The following SGCD variants were observed in gnomAD, a reference collection of about 807,000 sequenced individuals.
SGCD encodes the protein sarcoglycan delta, also known as delta-sarcoglycan.
SGCD carries 18 observed loss-of-function variants against 36.6 expected under a neutral mutation model. The observed-to-expected ratio is 0.49, with a 90% confidence interval of 0.34 to 0.73. SGCD has a LOEUF of 0.73. SGCD is among the 30% of genes least tolerant of loss of function. The pLI, the probability that SGCD is intolerant of heterozygous loss-of-function variation, is 0.01. For synonymous variants in SGCD, 133 were observed against 130.6 expected, an observed-to-expected ratio of 1.02 and a Z score of -0.12; for missense variants, 387 against 346.7, an observed-to-expected ratio of 1.12 and a Z score of -0.92.
At chr5:156,738,730 G>C (rs1266070945) in intron 7 of SGCD, 1 of 152,210 alleles carries the variant, frequency 6.6e-6, no homozygotes, top group Non-Finnish European at 1.5e-5. Flanking sequence ...GTTCTAACCA[G>C]TTTGAGGGGG....
chr5:156,261,217 A>T (rs555646459), intron 3 of SGCD, among the ~76,000 whole-genome samples: 2 of 152,296 alleles, frequency 1.3e-5, no homozygotes, highest in East Asian at 3.9e-4. Flanking sequence ...TAGTATTAAG[A>T]TTGTGGATGT....
At chr5:155,774,523 G>A in the SGCD span, among the ~76,000 whole-genome samples, 1 of 152,152 alleles carries the variant, frequency 6.6e-6, no homozygotes, top group Non-Finnish European at 1.5e-5. Context: ...AGTGTTGGCA[G>A]GGCTGGTTCC....
chr5:156,538,005 G>A (rs190359772), intron 4 of SGCD, among the ~76,000 whole-genome samples: 10 of 151,872 alleles, frequency 6.6e-5, no homozygotes, highest in East Asian at 5.8e-4. Context: ...CTATGGGCCC[G>A]TTCTGGTGGT....
the SGCD span, among the ~76,000 whole-genome samples, chr5:155,826,213 T>C: frequency 6.6e-6 from 1 of 152,198 alleles, no homozygotes. Flanking sequence ...GTCTGTCACA[T>C]GTGTTTCTCA....
At chr5:156,325,497 G>A (rs970229782), upstream of SGCD, among the ~76,000 whole-genome samples, 2 of 152,134 alleles carry the variant, frequency 1.3e-5, no homozygotes, top group East Asian at 1.9e-4. Context: ...GAAACAGATC[G>A]AGAGAGGTTA....
At chr5:156,487,305 A>C (rs1223225699) in intron 3 of SGCD, among the ~76,000 whole-genome samples, 1 of 152,224 alleles carries the variant, frequency 6.6e-6, no homozygotes, top group Non-Finnish European at 1.5e-5. Flanking sequence ...CCAGAATCAA[A>C]GCCAAAGCAT....
rs189875159 is a variant in SGCD at position 155,999,974 on chromosome 5, A to G, written c.-281-117904A>G. Among the ~76,000 whole-genome samples the G allele has an allele frequency of 7.9e-4, 121 of 152,330 alleles. 2 individuals are homozygous for G. The East Asian group carries it at 0.012, about 15-fold the overall frequency. On this transcript the variant is annotated intron_variant, in intron 1 of 9. Coordinates refer to the SGCD transcript ENST00000517913. ...GTTAGCAACTGTTAGAGTAGGTTCT[A>G]TCTTCCTATCTTCATAATGATTTGA...
At chr5:156,312,807 G>C (rs1437409517) in intron 3 of SGCD, among the ~76,000 whole-genome samples, 1 of 152,108 alleles carries the variant, frequency 6.6e-6, no homozygotes, top group African/African-American at 2.4e-5. Context: ...TAGCTCTTAA[G>C]AAAATTAGTT....
chr5:156,249,985 T>C (rs1329082185), intron 3 of SGCD, among the ~76,000 whole-genome samples: 1 of 152,200 alleles, frequency 6.6e-6, no homozygotes. Flanking sequence ...ATTTTAACTA[T>C]ATGTGTCCAT....
chr5:156,448,092 A>T (rs1282099664), intron 3 of SGCD, among the ~76,000 whole-genome samples: 2 of 152,102 alleles, frequency 1.3e-5, no homozygotes, highest in African/African-American at 2.4e-5. Flanking sequence ...GCCTTTGAAA[A>T]ATACCATTGT....
At chr5:155,743,994 T>C in the SGCD span, among the ~76,000 whole-genome samples, 2 of 152,120 alleles carry the variant, frequency 1.3e-5, no homozygotes, top group Non-Finnish European at 2.9e-5. Flanking sequence ...TAAATCTTCT[T>C]TGGAGGAAAG....
chr5:155,754,153 C>T, the SGCD span, among the ~76,000 whole-genome samples: 1 of 152,168 alleles, frequency 6.6e-6, no homozygotes, highest in Non-Finnish European at 1.5e-5. Context: ...TGAATTTGCT[C>T]TTGACCTGGC....
At chr5:155,981,997 C>T (rs1370817805) in intron 1 of SGCD, among the ~76,000 whole-genome samples, 2 of 152,192 alleles carry the variant, frequency 1.3e-5, no homozygotes, top group Non-Finnish European at 2.9e-5. Context: ...GATCCTCCCT[C>T]CTCCTGGAGC....
At chr5:155,806,286 C>CT in the SGCD span, among the ~76,000 whole-genome samples, 1 of 152,130 alleles carries the variant, frequency 6.6e-6, no homozygotes, top group Admixed American at 6.5e-5. Flanking sequence ...TCCCAAGTAG[C>CT]TGGGATTACA....
At chr5:155,840,497 G>A in the SGCD span, among the ~76,000 whole-genome samples, 3 of 149,762 alleles carry the variant, frequency 2.0e-5, no homozygotes, top group South Asian at 6.4e-4. Context: ...CACCGTGTTA[G>A]CCAGGATGGT....
intron 3 of SGCD, among the ~76,000 whole-genome samples, chr5:156,472,756 G>C (rs1294414330): frequency 6.6e-6 from 1 of 152,098 alleles, no homozygotes; most frequent in African/African-American, 2.4e-5. Flanking sequence ...ATGCTATGCT[G>C]AGTGAAAGAA....
At chr5:155,996,499 C>G (rs10059037) in intron 1 of SGCD, among the ~76,000 whole-genome samples, 1 of 152,046 alleles carries the variant, frequency 6.6e-6, no homozygotes, top group Non-Finnish European at 1.5e-5. Context: ...ACCAAAGGGC[C>G]GGGCGCGGTG....
chr5:156,519,919 G>A (rs1252080250), intron 4 of SGCD, among the ~76,000 whole-genome samples: 1 of 152,104 alleles, frequency 6.6e-6, no homozygotes. Flanking sequence ...ATATTGAATG[G>A]GAAAAGCTGG....
At chr5:156,482,818 T>G (rs1007331517) in intron 3 of SGCD, among the ~76,000 whole-genome samples, 1 of 142,150 alleles carries the variant, frequency 7.0e-6, no homozygotes, top group South Asian at 2.4e-4. Context: ...GGTCAGTTTT[T>G]TTTTTTTTTT....
Sources: gnomAD v4.1 joint callset for allele counts (sites outside exome capture counted in the v4.1 genomes callset) on GRCh38, gnomAD v4.1.1 for gene constraint, MANE v1.5 for transcripts, NCBI Gene and HGNC (gene_info 2026-07-23, HGNC 2026-07-21) for gene names.